Variants in HAVCR2 observed in about 807,000 individuals in gnomAD.
HAVCR2 encodes the protein T cell immunoglobulin mucin 3.
Under a neutral mutation model 24.7 loss-of-function variants are expected in HAVCR2, and 13 were observed. The ratio of observed to expected loss-of-function variants is 0.53; its 90% CI spans 0.34 to 0.84. The LOEUF (loss-of-function observed/expected upper bound fraction) is 0.84. HAVCR2 is among the 40% of genes least tolerant of loss of function. The pLI is 0.01. For synonymous variants in HAVCR2, 154 were observed against 143.4 expected (o/e 1.07, Z -0.53); for missense variants, 343 against 371.2 (o/e 0.92, Z 0.62).
At chr5:157,094,994 G>A (rs1385152954) in intron 5 of HAVCR2, among the ~76,000 whole-genome samples, 3 of 152,200 alleles carry the variant, frequency 2.0e-5, no homozygotes, top group Admixed American at 6.5e-5. Flanking sequence ...AGGTACTGAT[G>A]TTGAAACCTC....
chr5:157,086,806 T>C lies in HAVCR2; in HGVS notation c.*296A>G, dbSNP rs978595099. On this transcript the variant is annotated 3_prime_UTR_variant, in exon 7 of 7. Transcript: ENST00000307851. ...ATGATGTGCCCGAATTTCCTGGAGC[T>C]CCAGAGACCCCACGTCAAGAATTCC... 3.3e-6 allele frequency: 1 copy of C among 299,108 alleles called. No individual in the cohort carries two copies. Among genetic ancestry groups the C allele is most frequent in the African/African-American group, 2.2e-5 (1 of 45,280 alleles). 18.5% of individuals were successfully genotyped at this position (299,108 alleles called of 1,614,324 possible).
intron 1 of HAVCR2, among the ~76,000 whole-genome samples, chr5:157,107,945 T>G (rs1209767625): frequency 6.9e-6 from 1 of 145,148 alleles, no homozygotes; most frequent in Admixed American, 6.7e-5. Flanking sequence ...AAAATCATCT[T>G]CTGAGAAAGT....
intron 2 of HAVCR2, 142 bp downstream of exon 2, chr5:157,106,485 A>G: frequency 1.5e-6 from 1 of 660,506 alleles, no homozygotes; most frequent in Admixed American, 2.6e-5. Flanking sequence ...AGCATCACCA[A>G]TGGGGCCTGT....
chr5:157,107,782 C>T (rs73294086), intron 1 of HAVCR2, among the ~76,000 whole-genome samples: 7,053 of 152,006 alleles, frequency 0.046, 470 homozygotes, highest in African/African-American at 0.15. Context: ...GACACAAATG[C>T]GTTATCTGAT....
intron 5 of HAVCR2, among the ~76,000 whole-genome samples, chr5:157,093,515 A>G (rs2113686875): frequency 6.6e-6 from 1 of 152,212 alleles, no homozygotes. Context: ...GTCTTGAGCT[A>G]ATCTGAGGTG....
chr5:157,102,412 A>G (rs1421151589), intron 3 of HAVCR2, among the ~76,000 whole-genome samples: 2 of 152,148 alleles, frequency 1.3e-5, no homozygotes, highest in African/African-American at 4.8e-5. Flanking sequence ...CCACATTTAG[A>G]GTTGGTTTGC....
intron 4 of HAVCR2, among the ~76,000 whole-genome samples, chr5:157,097,059 T>C (rs930086448): frequency 2.0e-5 from 3 of 152,034 alleles, no homozygotes; most frequent in African/African-American, 7.2e-5. Context: ...TACACATTAC[T>C]CCTGCAATAA....
At chr5:157,100,058 C>T (rs1757147797) in intron 3 of HAVCR2, among the ~76,000 whole-genome samples, 1 of 152,280 alleles carries the variant, frequency 6.6e-6, no homozygotes, top group Admixed American at 6.5e-5. Context: ...GGGTTGCCAA[C>T]AAATGAAAAT....
chr5:157,107,142 C>A (rs2113696316), intron 1 of HAVCR2, 180 bp from the exon 2 acceptor site: 1 of 583,230 alleles, frequency 1.7e-6, no homozygotes, highest in East Asian at 2.8e-5. Flanking sequence ...CACTGGGAAG[C>A]CTTGCGAAAA....
intron 2 of HAVCR2, among the ~76,000 whole-genome samples, chr5:157,105,150 C>T (rs1212375240): frequency 1.3e-5 from 2 of 151,938 alleles, no homozygotes; most frequent in South Asian, 2.1e-4. Flanking sequence ...CTGCAACCTC[C>T]GCCTCCTGGG....
chr5:157,089,113 C>T (rs954178604), intron 5 of HAVCR2, 136 bp from the exon 6 acceptor site: 4 of 679,420 alleles, frequency 5.9e-6, no homozygotes, highest in Non-Finnish European at 1.0e-5. Flanking sequence ...ATGAAACTCT[C>T]AACGTGTGCC....
chr5:157,091,175 TG>T (rs1756993622), intron 5 of HAVCR2, among the ~76,000 whole-genome samples: 1 of 152,232 alleles, frequency 6.6e-6, no homozygotes, highest in Admixed American at 6.5e-5. Context: ...CTGGGAACGG[TG>T]GCTCACGCCT....
intron 2 of HAVCR2, chr5:157,106,416 C>T (rs1421162754): frequency 1.8e-6 from 1 of 563,064 alleles, no homozygotes; most frequent in East Asian, 3.0e-5. Flanking sequence ...AGGTGTGAGC[C>T]ACCACGCCCA....
chr5:157,099,251 ATTAT>A (rs774369314), intron 3 of HAVCR2, among the ~76,000 whole-genome samples: 12 of 152,042 alleles, frequency 7.9e-5, no homozygotes, highest in Non-Finnish European at 1.8e-4. Flanking sequence ...AGACTCAGGC[ATTAT>A]TTATTTATTT....
intron 1 of HAVCR2, chr5:157,107,234 T>C (rs972331004): frequency 2.6e-6 from 1 of 390,480 alleles, no homozygotes; most frequent in Non-Finnish European, 4.6e-6. Flanking sequence ...TTCTAACAAG[T>C]TCTCAAGTGT....
chr5:157,105,253 A>G (rs544868534), intron 2 of HAVCR2, among the ~76,000 whole-genome samples: 1 of 152,190 alleles, frequency 6.6e-6, no homozygotes, highest in East Asian at 1.9e-4. Context: ...TAGTAGAGAC[A>G]GGGTTTCTCC....
intron 2 of HAVCR2, 143 bp from the exon 3 acceptor site, chr5:157,104,892 C>A: frequency 1.8e-6 from 1 of 563,536 alleles, no homozygotes; most frequent in Non-Finnish European, 3.2e-6. Flanking sequence ...TGCCTGGATA[C>A]CTACGTTGAG....
At chr5:157,093,937 A>C (rs13358682) in intron 5 of HAVCR2, among the ~76,000 whole-genome samples, 9,140 of 152,188 alleles carry the variant, frequency 0.06, 418 homozygotes, top group Admixed American at 0.14. Context: ...CAAAAAAACA[A>C]AAGTGTGCGA....
In HAVCR2 at chr5:157,087,267, G is replaced by A. The variant is rs770967751; in HGVS notation, c.741C>T (p.Pro247=). The change falls in exon 7 of 7, where the codon CCC becomes CCT. Residue 247 remains proline, a synonymous_variant. Transcript: ENST00000307851. ...LSLISLANLP[P]SGLANAVAEG... Reference sequence around the variant, plus strand: ...CTGCTACTGCATTTGCCAATCCTGAGGGAGGGAGGTTGGCCAAAGAGATGA... The same window carrying A: ...CTGCTACTGCATTTGCCAATCCTGAAGGAGGGAGGTTGGCCAAAGAGATGA... 1.2e-6 allele frequency: 2 copies of A among 1,610,738 alleles called. No individual in the cohort carries two copies. The highest frequency in any genetic ancestry group is 1.7e-5 in the Admixed American group (1 of 58,820).
Sources: gnomAD v4.1 joint callset for allele counts (sites outside exome capture counted in the v4.1 genomes callset) on GRCh38, gnomAD v4.1.1 for gene constraint, MANE v1.5 for transcripts, NCBI Gene and HGNC (gene_info 2026-07-23, HGNC 2026-07-21) for gene names.